ZNF207: variants seen among roughly 807,000 people sequenced by gnomAD.
ZNF207 encodes zinc finger protein 207, also known as BUB3-interacting and GLEBS motif-containing protein ZNF207.
Under a neutral mutation model 60.2 loss-of-function variants are expected in ZNF207, and 24 were observed. The ratio of observed to expected loss-of-function variants is 0.40; its 90% confidence interval spans 0.29 to 0.56. ZNF207 has a LOEUF of 0.56. ZNF207 is among the 20% of genes least tolerant of loss of function. The pLI, the probability that ZNF207 is intolerant of heterozygous loss-of-function variation, is 0.49. For synonymous variants in ZNF207, 236 were observed against 194.7 expected, an observed-to-expected ratio of 1.21 and a Z score of -1.77; for missense variants, 452 against 636.6, an observed-to-expected ratio of 0.71 and a Z score of 3.12.
rs528421590 is a variant in ZNF207 at position 32,365,490 on chromosome 17, A to G, written c.828+3A>G. The G allele has an allele frequency of 1.2e-6, 2 of 1,613,668 alleles. No homozygotes were observed. Among genetic ancestry groups the G allele is most frequent in the Admixed American group, 3.3e-5 (2 of 59,946 alleles). The stretch of plus-strand genomic sequence containing the variant: ...CTCTTTTCCCCAGTGCTGGACAGGT[A>G]AGGTGAAAATCCTGAAAAGGAGTGC... On this transcript the variant is annotated splice_donor_region_variant and intron_variant, in intron 8 of 11. Transcript: ENST00000394670.
chr17:32,362,959 A>G lies in ZNF207; in HGVS notation c.645A>G (p.Pro215=). 6.2e-7 allele frequency: 1 copy of G among 1,613,050 alleles called. No homozygotes were observed. The highest frequency in any genetic ancestry group is 8.5e-7 in the Non-Finnish European group (1 of 1,179,920). The change falls in exon 7 of 12, where the codon CCA becomes CCG. Residue 215 remains proline, a synonymous_variant. Coordinates refer to ENST00000394670, the MANE Select transcript of ZNF207 (RefSeq NM_001098507.2). ...TGATGCCACCTGGACCAGGAATACC[A>G]CCTCTGATGCCTGGAATGCCACCAG... ...GGMMPPGPGI[P]PLMPGMPPGM... is the part of the protein sequence containing the mutation.
intron 3 of ZNF207, among the ~76,000 whole-genome samples, chr17:32,360,150 G>C (rs921284385): frequency 7.0e-6 from 1 of 143,300 alleles, no homozygotes; most frequent in Non-Finnish European, 1.5e-5. Context: ...GATCACTTGA[G>C]GCCAAAAGTT....
rs1341884775 is a variant in ZNF207 at position 32,360,750 on chromosome 17, C to G, written c.460C>G (p.Pro154Ala). The G allele has an allele frequency of 6.2e-7, 1 of 1,613,872 alleles. No individual in the cohort carries two copies. The highest frequency in any genetic ancestry group is 8.5e-7 in the Non-Finnish European group (1 of 1,179,964). The change falls in exon 4 of 12, where the codon CCA becomes GCA. Residue 154 changes from proline (P) to alanine (A), a missense_variant. By Grantham distance (27) the Pro-to-Ala change is conservative. Coordinates refer to ENST00000394670, the MANE Select transcript of ZNF207 (RefSeq NM_001098507.2). ...AGGACTGCCACCAGTACCAGGAGCA[C>G]CAGGAATGCCTCCAGGTAGCACATA... ...QPGLPPVPGA[P>A]GMPPGIPPLM... is the part of the protein sequence containing the mutation.
chr17:32,369,877 C>A lies in ZNF207; in HGVS notation c.*118C>A. On this transcript the variant is annotated 3_prime_UTR_variant, in exon 12 of 12. Transcript: ENST00000394670. ...TGTGACTTTAACAAACATTATCTTC[C>A]CACATACCAGGAACTATTGGACATT... is the stretch of plus-strand genomic sequence containing the variant. 1 of 1,109,214 alleles carries A rather than the reference C, an allele frequency of 9.0e-7. No homozygotes were observed. The highest frequency in any genetic ancestry group is 1.2e-6 in the Non-Finnish European group (1 of 847,876). The allele number at this position is 1,109,214 out of a possible 1,614,324, so 68.7% of individuals were successfully genotyped here.
At chr17:32,350,665 A>T (rs114987811) in intron 1 of ZNF207, among the ~76,000 whole-genome samples, 1 of 152,128 alleles carries the variant, frequency 6.6e-6, no homozygotes, top group Non-Finnish European at 1.5e-5. Context: ...ACGATTCAAC[A>T]AGGGACTTTT....
In ZNF207 at chr17:32,361,395, G is replaced by A; in HGVS notation, c.552-73G>A. 1.3e-5 allele frequency: 17 copies of A among 1,263,082 alleles called. No individual in the cohort carries two copies. The South Asian group carries it at 2.1e-4, about 16-fold the overall frequency. 78.2% of individuals were successfully genotyped at this position (1,263,082 alleles called of 1,614,324 possible). A position where few individuals can be genotyped will look rare whatever the true frequency, so the allele number is the denominator to read the frequency against. On this transcript the variant is annotated intron_variant, in intron 5 of 11. Coordinates refer to ENST00000394670, the MANE Select transcript of ZNF207 (RefSeq NM_001098507.2). ...TACTTAAATATTGTTGGATGTGAGA[G>A]GTATACAATACACTTTCCCACTGTA...
rs1905455177 is a variant in ZNF207, at chr17:32,371,366, G to A, written c.*1607G>A. ...GGAAAATATATTGAAAAGTGATTTAGCCATCACAAAAGAGTTCGTATTTAT... is the reference window on the plus strand; with the variant it reads ...GGAAAATATATTGAAAAGTGATTTAACCATCACAAAAGAGTTCGTATTTAT... On this transcript the variant is annotated 3_prime_UTR_variant, in exon 12 of 12. Transcript: ENST00000394670. The A allele has an allele frequency of 6.6e-6, 1 of 152,194 alleles. No individual in the cohort carries two copies. The highest frequency in any genetic ancestry group is 1.5e-5 in the Non-Finnish European group (1 of 68,032). The allele number at this position is 152,194 out of a possible 1,614,324, so 9.4% of individuals were successfully genotyped here.
chr17:32,360,865 T>G lies in ZNF207; in HGVS notation c.476-27T>G, dbSNP rs200963112. On this transcript the variant is annotated intron_variant, in intron 4 of 11. Coordinates refer to ENST00000394670, the MANE Select transcript of ZNF207 (RefSeq NM_001098507.2). ...CCTCTAACTCTTTAATATTTGTTAT[T>G]ATTTTGATTGAAATTCTTGCTTGTA... is the stretch of plus-strand genomic sequence containing the variant. 10 of 1,613,752 alleles carry G rather than the reference T, an allele frequency of 6.2e-6. No homozygotes were observed. The African/African-American group carries it at 1.3e-4, about 22-fold the overall frequency.
chr17:32,379,312 T>A lies in ZNF207; in HGVS notation c.*9553T>A, dbSNP rs1905794665. ...GAGGTGAGCACTCTGAATTTCTACA[T>A]CTTTGGATATTACTTGAATCAAGAA... is the stretch of plus-strand genomic sequence containing the variant. On this transcript the variant is annotated 3_prime_UTR_variant, in exon 12 of 12. Coordinates refer to ENST00000394670, the MANE Select transcript of ZNF207 (RefSeq NM_001098507.2). 6.6e-6 allele frequency: 1 copy of A among 152,116 alleles called. No individual in the cohort carries two copies. The highest frequency in any genetic ancestry group is 6.5e-5 in the Admixed American group (1 of 15,270). 9.4% of individuals were successfully genotyped at this position (152,116 alleles called of 1,614,324 possible).
intron 2 of ZNF207, among the ~76,000 whole-genome samples, chr17:32,358,166 T>TA (rs528664318): frequency 1.0e-3 from 157 of 152,358 alleles, no homozygotes; most frequent in African/African-American, 3.3e-3. Context: ...GACTACTAGT[T>TA]ACTGCTAATA....
intron 9 of ZNF207, among the ~76,000 whole-genome samples, chr17:32,367,282 T>TATATATATATATATAAAA (rs1445385221): frequency 1.1e-4 from 9 of 82,840 alleles, no homozygotes; most frequent in African/African-American, 1.8e-4. Context: ...TATATATATA[T>TATATATATATATATAAAA]ATAAAGAATA....
rs1438768080 is a variant in ZNF207 at position 32,358,445 on chromosome 17, A to T, written c.169-58A>T. 6 of 1,485,078 alleles carry T rather than the reference A, an allele frequency of 4.0e-6. No homozygotes were observed. The East Asian group carries it at 1.6e-4, about 39-fold the overall frequency. 92.0% of individuals were successfully genotyped at this position (1,485,078 alleles called of 1,614,324 possible). A position where few individuals can be genotyped will look rare whatever the true frequency, so the allele number is the denominator to read the frequency against. ...TATTCTTTATACTAAGCAGTCTTTG[A>T]TTAACTTGGAATTATTCTTAAAAAA... On this transcript the variant is annotated intron_variant, in intron 2 of 11. Transcript: ENST00000394670.
chr17:32,367,277 ATATAT>A (rs1567825086), intron 9 of ZNF207, among the ~76,000 whole-genome samples: 4,022 of 116,608 alleles, frequency 0.034, 232 homozygotes, highest in African/African-American at 0.06. Flanking sequence ...ATATATATAT[ATATAT>A]ATAAAGAATA....
intron 6 of ZNF207, 32 bp from the exon 7 acceptor site, chr17:32,362,882 C>T: frequency 1.3e-6 from 2 of 1,598,244 alleles, no homozygotes; most frequent in Non-Finnish European, 1.7e-6. Context: ...TGTTCATTAA[C>T]TTACTGTTTC....
chr17:32,371,908 T>C lies in ZNF207; in HGVS notation c.*2149T>C, dbSNP rs1270412984. The C allele has an allele frequency of 6.6e-6, 1 of 152,212 alleles. No homozygotes were observed. The highest frequency in any genetic ancestry group is 1.9e-4 in the East Asian group (1 of 5,190). The allele number at this position is 152,212 out of a possible 1,614,324, so 9.4% of individuals were successfully genotyped here. ...CCACTTTCCCCTCTGAACCTCTGCT[T>C]ACCTAAATGGTTTCAAAATTAATAC... is the stretch of plus-strand genomic sequence containing the variant. On this transcript the variant is annotated 3_prime_UTR_variant, in exon 12 of 12. Transcript: ENST00000394670.
intron 7 of ZNF207, among the ~76,000 whole-genome samples, chr17:32,365,053 G>A (rs929974222): frequency 4.6e-5 from 7 of 152,194 alleles, no homozygotes; most frequent in African/African-American, 1.7e-4. Flanking sequence ...TATATTGCAA[G>A]AAGTTTGCTA....
Position 32,365,260 on chromosome 17 carries a change from G to T in ZNF207, c.671-70G>T. On this transcript the variant is annotated intron_variant, in intron 7 of 11. Coordinates refer to ENST00000394670, the MANE Select transcript of ZNF207 (RefSeq NM_001098507.2). ...GCAGTTAATTGTTAATAACTTTGTA[G>T]TATAGAAGCGTTTTTTTCCACACTA... The T allele has an allele frequency of 2.0e-6, 3 of 1,519,630 alleles. No homozygotes were observed. The East Asian group carries it at 6.9e-5, about 35-fold the overall frequency. The allele number at this position is 1,519,630 out of a possible 1,614,324, so 94.1% of individuals were successfully genotyped here.
chr17:32,367,257 ATATATATATATATATATATATATAT>A (rs1905224295), intron 9 of ZNF207, among the ~76,000 whole-genome samples: 8 of 95,862 alleles, frequency 8.3e-5, no homozygotes, highest in Non-Finnish European at 1.3e-4. Context: ...ATATATATAT[ATATATATATATATATATATATATAT>A]ATAAAGAATA....
chr17:32,365,332 A>G lies in ZNF207; in HGVS notation c.673A>G (p.Met225Val), dbSNP rs1189220328. 2 of 1,610,920 alleles carry G rather than the reference A, an allele frequency of 1.2e-6. No homozygotes were observed. The highest frequency in any genetic ancestry group is 1.7e-6 in the Non-Finnish European group (2 of 1,178,188). ...CCCCAAACATTTCTTCTCTGCAGGTATGCCCCCACCTGTTCCACGTCCTGG... is the reference window on the plus strand; with the variant it reads ...CCCCAAACATTTCTTCTCTGCAGGTGTGCCCCCACCTGTTCCACGTCCTGG... Reference protein sequence around the residue: ...PPLMPGMPPGMPPPVPRPGIP... With the variant: ...PPLMPGMPPGVPPPVPRPGIP... The change falls in exon 8 of 12, where the codon ATG (methionine) becomes GTG (valine). Residue 225 changes from methionine (M) to valine (V), a missense_variant and splice_region_variant. Physicochemically the swap from Met to Val is conservative, Grantham distance 21. Around this residue, in one of 2 missense-constraint regions of ZNF207, gnomAD observed 390 missense variants for 461.4 expected, o/e 0.85. Transcript: ENST00000394670.
Sources: gnomAD v4.1 joint callset for allele counts (sites outside exome capture counted in the v4.1 genomes callset) on GRCh38, gnomAD v4.1.1 for gene constraint, gnomAD v4.1.1 regional missense constraint, MANE v1.5 for transcripts, NCBI Gene and HGNC (gene_info 2026-07-23, HGNC 2026-07-21) for gene names.